ANKRD13D: variants seen among roughly 807,000 people sequenced by gnomAD.
ANKRD13D encodes ankyrin repeat domain 13D, also known as ankyrin repeat domain-containing protein 13D.
A neutral mutation model predicts 68.8 loss-of-function variants in ANKRD13D; 24 were observed. The ratio of observed to expected loss-of-function variants is 0.35; its 90% CI spans 0.25 to 0.49. ANKRD13D has a LOEUF of 0.49. Ranked by LOEUF, ANKRD13D falls within the 20% of genes least tolerant of loss-of-function variation. ANKRD13D has a pLI of 0.99. For synonymous variants in ANKRD13D, 331 were observed against 336.1 expected, an observed-to-expected ratio of 0.98 and a Z score of 0.16; for missense variants, 735 against 832.1, an observed-to-expected ratio of 0.88 and a Z score of 1.44.
Position 67,291,669 on chromosome 11 carries a change from G to T in ANKRD13D, c.464G>T (p.Arg155Leu). Residue 155 changes from arginine (R) to leucine (L), a missense_variant, in exon 5 of 15, where the codon CGA (arginine) becomes CTA (leucine). Transcript: ENST00000511455. Reference protein sequence around the residue: ...YRVWKRGESLRVDTSLLGFEH... With the variant: ...YRVWKRGESLLVDTSLLGFEH... ...GTGTGGAAGCGGGGTGAGAGCCTGC[G>T]AGTAGACACCAGTCTCCTGGGCTTC... The T allele has an allele frequency of 1.2e-6, 2 of 1,614,104 alleles. No individual in the cohort carries two copies. The highest frequency in any genetic ancestry group is 1.7e-6 in the Non-Finnish European group (2 of 1,180,038).
In ANKRD13D at chr11:67,289,488, C is replaced by T. The variant is rs1207586576; in HGVS notation, c.28C>T (p.Leu10=). 3 of 1,513,854 alleles carry T rather than the reference C, an allele frequency of 2.0e-6. No homozygotes were observed. The South Asian group carries it at 3.7e-5, about 18-fold the overall frequency. 93.8% of individuals were successfully genotyped at this position (1,513,854 alleles called of 1,614,324 possible). Residue 10 remains leucine (L), a synonymous_variant, in exon 1 of 15, where the codon CTG becomes TTG. Transcript: ENST00000511455. ...GGCCGGCCCGGGCCCCACCTTCCCG[C>T]TGCACCGGCTCGTCTGGGCGAACCG... MAGPGPTFP[L]HRLVWANRHR...
rs576697006 is a variant in ANKRD13D at position 67,299,542 on chromosome 11, A to G, written c.811A>G (p.Thr271Ala). The change falls in exon 8 of 15, where the codon ACC becomes GCC. Residue 271 changes from threonine (T) to alanine (A), a missense_variant. Physicochemically the swap from Thr to Ala is moderately conservative, Grantham distance 58 (BLOSUM62 0). Coordinates refer to ENST00000511455, the MANE Select transcript of ANKRD13D (RefSeq NM_207354.3). This position sits in a 1 kb window ranked among gnomAD's most constrained non-coding sequence, Gnocchi z 6.2. The part of the protein sequence containing the change: ...SGYEAKVYSA[T>A]NVELVTRTRT... ...CCCTGCTCCCCAGGTGTACAGTGCC[A>G]CCAACGTGGAGCTGGTGACACGCAC... 1 of 1,550,854 alleles carries G rather than the reference A, an allele frequency of 6.4e-7. No homozygotes were observed. Among genetic ancestry groups the G allele is most frequent in the Admixed American group, 2.0e-5 (1 of 50,978 alleles).
intron 5 of ANKRD13D, 71 bp from the exon 6 acceptor site, chr11:67,291,920 A>T: frequency 6.6e-7 from 1 of 1,524,356 alleles, no homozygotes; most frequent in Non-Finnish European, 8.8e-7. Context: ...AGGGTACATG[A>T]TCGCCCTCTC....
chr11:67,290,771 T>A (rs1860502240), intron 3 of ANKRD13D: 1 of 275,704 alleles, frequency 3.6e-6, no homozygotes, highest in Admixed American at 4.6e-5. Context: ...CTACGCACCC[T>A]TCTGGAAGCA....
rs748616231 is a variant in ANKRD13D at position 67,302,248 on chromosome 11, G to C, written c.1734G>C (p.Arg578=). ...QLRLALELSS[R]EQEERERRGQ... Reference sequence around the variant, plus strand: ...GCCTGGCCCTGGAGTTGTCTTCACGGGAGCAGGAGGAGCGGGAGCGGCGCG... The same window carrying C: ...GCCTGGCCCTGGAGTTGTCTTCACGCGAGCAGGAGGAGCGGGAGCGGCGCG... Residue 578 remains arginine (R), a synonymous_variant, in exon 15 of 15, where the codon CGG becomes CGC. Transcript: ENST00000511455. 1.3e-6 allele frequency: 2 copies of C among 1,572,478 alleles called. No individual in the cohort carries two copies. The highest frequency in any genetic ancestry group is 4.7e-5 in the East Asian group (2 of 42,920).
At chr11:67,290,784 C>T (rs1285985642) in intron 3 of ANKRD13D, 6 of 251,508 alleles carry the variant, frequency 2.4e-5, no homozygotes, top group Admixed American at 1.4e-4. Context: ...TGGAAGCACA[C>T]GGAGGGGCCT....
Position 67,300,344 on chromosome 11 carries a change from C to T in ANKRD13D, c.1073+221C>T. 1 of 594,684 alleles carries T rather than the reference C, an allele frequency of 1.7e-6. No individual in the cohort carries two copies. Among genetic ancestry groups the T allele is most frequent in the Non-Finnish European group, 2.8e-6 (1 of 351,380 alleles). 36.8% of individuals were successfully genotyped at this position (594,684 alleles called of 1,614,324 possible). On this transcript the variant is annotated intron_variant, in intron 10 of 14. Coordinates refer to ENST00000511455, the MANE Select transcript of ANKRD13D (RefSeq NM_207354.3). The surrounding 1 kb of genome is among the most constrained non-coding windows in gnomAD (Gnocchi z 4.3). ...GTTTGTCTTTGATGAATGGATGGTG[C>T]CACCCATGTATGGTTTTCTATTGAA...
Position 67,300,013 on chromosome 11 carries a change from C to T in ANKRD13D, c.963C>T (p.Ala321=), listed in dbSNP as rs771792584. 4 of 1,613,334 alleles carry T rather than the reference C, an allele frequency of 2.5e-6. No individual in the cohort carries two copies. The East Asian group carries it at 8.9e-5, about 36-fold the overall frequency. The change falls in exon 10 of 15, where the codon GCC becomes GCT. Residue 321 remains alanine, a synonymous_variant. Coordinates refer to ENST00000511455, the MANE Select transcript of ANKRD13D (RefSeq NM_207354.3). The surrounding 1 kb of genome is among the most constrained non-coding windows in gnomAD (Gnocchi z 4.3). The part of the protein sequence containing the change: ...SHTGAPVQQA[A]SPTNPTAISP... ...CGCAGGCCCCCGTGCAGCAGGCAGC[C>T]AGCCCCACCAACCCCACAGCCATCT...
Position 67,302,344 on chromosome 11 carries a change from G to C in ANKRD13D, c.*12G>C, listed in dbSNP as rs538601004. On this transcript the variant is annotated 3_prime_UTR_variant, in exon 15 of 15. Coordinates refer to ENST00000511455, the MANE Select transcript of ANKRD13D (RefSeq NM_207354.3). The stretch of plus-strand genomic sequence containing the variant: ...TCACTGAGCACTGAGCCATAGCCCC[G>C]GGAGGGCTGGCCAGGCCACTCCCTG... The C allele has an allele frequency of 6.7e-7, 1 of 1,493,670 alleles. No homozygotes were observed. Among genetic ancestry groups the C allele is most frequent in the Non-Finnish European group, 9.0e-7 (1 of 1,112,210 alleles). 92.5% of individuals were successfully genotyped at this position (1,493,670 alleles called of 1,614,324 possible). A position where few individuals can be genotyped will look rare whatever the true frequency, so the allele number is the denominator to read the frequency against.
Position 67,301,974 on chromosome 11 carries a change from TG to T in ANKRD13D, c.1605-141del. 1 of 1,337,728 alleles carries T rather than the reference TG, an allele frequency of 7.5e-7. No individual in the cohort carries two copies. The highest frequency in any genetic ancestry group is 1.0e-6 in the Non-Finnish European group (1 of 996,208). The allele number at this position is 1,337,728 out of a possible 1,614,324, so 82.9% of individuals were successfully genotyped here. On this transcript the variant is annotated intron_variant, in intron 14 of 14. Transcript: ENST00000511455. This position sits in a 1 kb window ranked among gnomAD's most constrained non-coding sequence, Gnocchi z 4.5. ...CTGCCACCAAAGGTGGTGTGAGGGG[TG>T]GGGAAGCAGGGCCCTGCCTTGTCTC...
At position 67,291,705 on chromosome 11, in the gene ANKRD13D, C is replaced by T. The variant is rs779467434; in HGVS notation, c.500C>T (p.Thr167Ile). The T allele has an allele frequency of 1.2e-6, 2 of 1,614,102 alleles. No individual in the cohort carries two copies. The highest frequency in any genetic ancestry group is 8.5e-7 in the Non-Finnish European group (1 of 1,180,036). ...AGTCTCCTGGGCTTCGAGCACATGA[C>T]CTGGCAGCGGGGCCGGAGGAGCTTC... ...DTSLLGFEHM[T>I]WQRGRRSFIF... is the part of the protein sequence containing the mutation. The change falls in exon 5 of 15, where the codon ACC (threonine) becomes ATC (isoleucine). Residue 167 changes from threonine to isoleucine, a missense_variant. Thr to Ile is a moderately conservative substitution (Grantham distance 89, BLOSUM62 -1). Transcript: ENST00000511455.
chr11:67,290,726 G>T, intron 3 of ANKRD13D: 1 of 404,988 alleles, frequency 2.5e-6, no homozygotes, highest in South Asian at 3.6e-5. Context: ...GGTTGACTCG[G>T]TGGATTATGG....
Position 67,299,945 on chromosome 11 carries a change from G to A in ANKRD13D, c.943-48G>A. On this transcript the variant is annotated intron_variant, in intron 9 of 14. Coordinates refer to ENST00000511455, the MANE Select transcript of ANKRD13D (RefSeq NM_207354.3). The surrounding 1 kb of genome is among the most constrained non-coding windows in gnomAD (Gnocchi z 6.2). Reference sequence around the variant, plus strand: ...CGGGGGGCCGAGCCTGGGCGGGAGGGCACCCTCTGTCACCTTGATGGCTGA... The same window carrying A: ...CGGGGGGCCGAGCCTGGGCGGGAGGACACCCTCTGTCACCTTGATGGCTGA... 2 of 1,581,214 alleles carry A rather than the reference G, an allele frequency of 1.3e-6. No homozygotes were observed. The highest frequency in any genetic ancestry group is 8.6e-7 in the Non-Finnish European group (1 of 1,160,322).
chr11:67,293,244 T>C (rs1860648408), intron 6 of ANKRD13D, among the ~76,000 whole-genome samples: 1 of 152,230 alleles, frequency 6.6e-6, no homozygotes, highest in Non-Finnish European at 1.5e-5. Flanking sequence ...CCAAACGAGC[T>C]GTACTGGTTT....
chr11:67,290,724 C>T (rs538353311), intron 3 of ANKRD13D: 68 of 406,498 alleles, frequency 1.7e-4, no homozygotes, highest in Non-Finnish European at 2.5e-4. Flanking sequence ...CAGGTTGACT[C>T]GGTGGATTAT....
In ANKRD13D at chr11:67,289,352, C is replaced by A; in HGVS notation, c.-109C>A. On this transcript the variant is annotated 5_prime_UTR_variant, in exon 1 of 15. It adds an upstream start codon to the 5' untranslated region. Transcript: ENST00000511455. ...GCCGCCGCCGCCGCCGCCGCTACTG[C>A]TGCGGGGGCCGCGGGGGGCGCAGCT... 1 of 760,776 alleles carries A rather than the reference C, an allele frequency of 1.3e-6. No individual in the cohort carries two copies. The highest frequency in any genetic ancestry group is 1.7e-6 in the Non-Finnish European group (1 of 603,210). 47.1% of individuals were successfully genotyped at this position (760,776 alleles called of 1,614,324 possible). A position where few individuals can be genotyped will look rare whatever the true frequency, so the allele number is the denominator to read the frequency against.
intron 5 of ANKRD13D, 87 bp downstream of exon 5, chr11:67,291,833 T>G: frequency 6.5e-7 from 1 of 1,550,098 alleles, no homozygotes; most frequent in Non-Finnish European, 8.7e-7. Context: ...CTCTCCACTT[T>G]CCAGATGTGG....
At position 67,299,361 on chromosome 11, in the gene ANKRD13D, C is replaced by A; in HGVS notation, c.799-169C>A. On this transcript the variant is annotated intron_variant, in intron 7 of 14. Transcript: ENST00000511455. This position sits in a 1 kb window ranked among gnomAD's most constrained non-coding sequence, Gnocchi z 6.2. ...TGTGTTCCTCTTGACCCTGGGGCTG[C>A]ATCTCCTCGTTGGTGACTTCCTGGG... is the stretch of plus-strand genomic sequence containing the variant. The A allele has an allele frequency of 1.4e-6, 1 of 709,010 alleles. No homozygotes were observed. The highest frequency in any genetic ancestry group is 2.4e-6 in the Non-Finnish European group (1 of 421,650). The allele number at this position is 709,010 out of a possible 1,614,324, so 43.9% of individuals were successfully genotyped here. A position where few individuals can be genotyped will look rare whatever the true frequency, so the allele number is the denominator to read the frequency against.
intron 3 of ANKRD13D, 135 bp downstream of exon 3, chr11:67,290,581 C>G: frequency 7.4e-7 from 1 of 1,353,426 alleles, no homozygotes. Context: ...GTCTGTCTAT[C>G]TTGACCCCAG....
Sources: gnomAD v4.1 joint callset for allele counts (sites outside exome capture counted in the v4.1 genomes callset) on GRCh38, gnomAD v4.1.1 for gene constraint, Gnocchi (gnomAD v3.1) non-coding constraint, MANE v1.5 for transcripts, NCBI Gene and HGNC (gene_info 2026-07-23, HGNC 2026-07-21) for gene names.